Variants in MCF2L observed in about 807,000 individuals in gnomAD.
MCF2L encodes the protein MCF.2 cell line derived transforming sequence like.
In MCF2L, 97 loss-of-function variants were observed where a neutral mutation model predicts 153.4. That is an observed-to-expected ratio of 0.63 (90% CI 0.54 to 0.75). MCF2L has a LOEUF of 0.75. MCF2L is among the 30% of genes least tolerant of loss of function. The probability of loss-of-function intolerance (pLI) is 0.00; values close to 1 mark genes in which losing one functional copy is unlikely to be tolerated. For synonymous variants in MCF2L, 659 were observed against 632.2 expected, an observed-to-expected ratio of 1.04 and a Z score of -0.64; for missense variants, 1,347 against 1,495.2, an observed-to-expected ratio of 0.90 and a Z score of 1.64.
rs1165438732 is a variant in MCF2L at position 112,951,772 on chromosome 13, C to T, written c.169+49401C>T. Reference sequence around the variant, plus strand: ...TCATTGTCAGTATGCTGGCTGCAGTCGTGTGCTGTAGTTTGGCAGGATGCT... The same window carrying T: ...TCATTGTCAGTATGCTGGCTGCAGTTGTGTGCTGTAGTTTGGCAGGATGCT... On this transcript the variant is annotated intron_variant, in intron 2 of 29. Transcript: ENST00000375608. This position sits in a 1 kb window ranked among gnomAD's most constrained non-coding sequence, Gnocchi z 4.8. Among the ~76,000 whole-genome samples, 1 of 152,098 alleles carries T rather than the reference C, an allele frequency of 6.6e-6. No individual in the cohort carries two copies. Among genetic ancestry groups the T allele is most frequent in the Non-Finnish European group, 1.5e-5 (1 of 68,012 alleles).
At chr13:112,979,542 G>T in intron 1 of MCF2L, 7 of 1,520,908 alleles carry the variant, frequency 4.6e-6, no homozygotes, top group Non-Finnish European at 6.1e-6. Flanking sequence ...GCACCCGCCC[G>T]GCTTTTAGCT....
chr13:112,949,227 A>G (rs570809574), intron 2 of MCF2L, among the ~76,000 whole-genome samples: 11 of 152,378 alleles, frequency 7.2e-5, no homozygotes, highest in Middle Eastern at 3.4e-3. Flanking sequence ...ATAGCCCTAT[A>G]GCTATTAAAT....
rs897015896 is a variant in MCF2L, at chr13:112,951,773, G to A, written c.169+49402G>A. On this transcript the variant is annotated intron_variant, in intron 2 of 29. Coordinates refer to the MCF2L transcript ENST00000375608. The surrounding 1 kb of genome is among the most constrained non-coding windows in gnomAD (Gnocchi z 4.8). ...CATTGTCAGTATGCTGGCTGCAGTC[G>A]TGTGCTGTAGTTTGGCAGGATGCTA... Among the ~76,000 whole-genome samples, 1 of 152,178 alleles carries A rather than the reference G, an allele frequency of 6.6e-6. No homozygotes were observed. Among genetic ancestry groups the A allele is most frequent in the Admixed American group, 6.5e-5 (1 of 15,280 alleles).
rs9783548 is a variant in MCF2L at position 113,095,259 on chromosome 13, C to T, written c.3075+624C>T. ...TTCTGTGCTGTGCGTGGTCCATGCC[C>T]CAAGGCTGGAGGTGCAAAGGGGACA... is the stretch of plus-strand genomic sequence containing the variant. On this transcript the variant is annotated intron_variant, in intron 27 of 29. Coordinates refer to ENST00000535094, the MANE Select transcript of MCF2L (RefSeq NM_001112732.3). The T allele has an allele frequency of 4.5e-4, 531 of 1,192,492 alleles. 3 individuals are homozygous for T. In the African/African-American group the frequency reaches 8.1e-3, roughly 18 times the overall value. 73.9% of individuals were successfully genotyped at this position (1,192,492 alleles called of 1,614,324 possible).
At chr13:113,025,835 GT>G (rs1212762074) in intron 3 of MCF2L, among the ~76,000 whole-genome samples, 13 of 149,394 alleles carry the variant, frequency 8.7e-5, no homozygotes, top group South Asian at 2.1e-4. Flanking sequence ...CAGAGTCTCT[GT>G]GAGGTTTCAT....
rs759949237 is a variant in MCF2L at position 113,074,524 on chromosome 13, C to A, written c.1077C>A (p.His359Gln). Residue 359 changes from histidine to glutamine, a missense_variant, in exon 10 of 30, where the codon CAC becomes CAA. Around this residue, in one of 3 missense-constraint regions of MCF2L, gnomAD observed 820 missense variants for 921.2 expected, o/e 0.89. Coordinates refer to ENST00000535094, the MANE Select transcript of MCF2L (RefSeq NM_001112732.3). This position sits in a 1 kb window ranked among gnomAD's most constrained non-coding sequence, Gnocchi z 4.2. ...DIGNSLAHVEHLLRDLASFEE... is the reference protein window; with the variant it reads ...DIGNSLAHVEQLLRDLASFEE... ...GCAACAGCCTGGCGCATGTGGAGCA[C>A]CTGCTGAGGGACCTGGCCAGCTTCG... 9.9e-6 allele frequency: 16 copies of A among 1,613,970 alleles called. No individual in the cohort carries two copies. Among genetic ancestry groups the A allele is most frequent in the Non-Finnish European group, 1.4e-5 (16 of 1,180,028 alleles).
At chr13:112,964,750 A>G (rs116717985), upstream of MCF2L, 1,157 of 152,366 alleles carry the variant, frequency 7.6e-3, 15 homozygotes, top group African/African-American at 0.027. Flanking sequence ...AAAAACGTTT[A>G]AGTGAAAAAT....
intron 1 of MCF2L, among the ~76,000 whole-genome samples, chr13:113,007,762 C>G (rs181862135): frequency 2.6e-5 from 4 of 152,116 alleles, no homozygotes; most frequent in Non-Finnish European, 5.9e-5. Context: ...GGCTCTGTGT[C>G]GTAAGGATCA....
chr13:112,981,762 G>T (rs2082436490), intron 1 of MCF2L, among the ~76,000 whole-genome samples: 1 of 152,220 alleles, frequency 6.6e-6, no homozygotes, highest in Non-Finnish European at 1.5e-5. Context: ...GCGGCTCAGA[G>T]CCCAGTGCCC....
intron 2 of MCF2L, among the ~76,000 whole-genome samples, chr13:112,905,443 T>C (rs867538108): frequency 4.6e-5 from 7 of 152,152 alleles, no homozygotes; most frequent in African/African-American, 7.2e-5. Context: ...GGGTTACAGA[T>C]TGGGAACGGC....
At position 112,960,735 on chromosome 13, in the gene MCF2L, C is replaced by T. The variant is rs1383252091; in HGVS notation, c.170-54028C>T. Among the ~76,000 whole-genome samples the T allele has an allele frequency of 2.6e-5, 4 of 152,190 alleles. No individual in the cohort carries two copies. The highest frequency in any genetic ancestry group is 5.9e-5 in the Non-Finnish European group (4 of 68,034). On this transcript the variant is annotated intron_variant, in intron 2 of 29. Transcript: ENST00000375608. This position sits in a 1 kb window ranked among gnomAD's most constrained non-coding sequence, Gnocchi z 4.2. ...GAGGCTCCAGGAAGAATCCTTTCCT[C>T]GCCCTGTCCAGCCCCAGGTGCTGCC... is the stretch of plus-strand genomic sequence containing the variant.
At chr13:113,096,208 G>A (rs937750874) in intron 27 of MCF2L, 163 bp from the exon 28 acceptor site, 2 of 627,632 alleles carry the variant, frequency 3.2e-6, no homozygotes, top group Admixed American at 5.7e-5. Flanking sequence ...CATGCCCTGC[G>A]GCGTAGCCTC....
At chr13:112,994,616 G>A (rs551218906) in intron 1 of MCF2L, among the ~76,000 whole-genome samples, 10 of 152,376 alleles carry the variant, frequency 6.6e-5, no homozygotes, top group South Asian at 6.2e-4. Flanking sequence ...AGCTGGGCGC[G>A]GTGACCAATG....
At chr13:112,928,470 C>T (rs2081430173) in intron 2 of MCF2L, among the ~76,000 whole-genome samples, 1 of 152,164 alleles carries the variant, frequency 6.6e-6, no homozygotes, top group Non-Finnish European at 1.5e-5. Flanking sequence ...TCTGTCTAGC[C>T]ATGCCAGCCG....
intron 3 of MCF2L, among the ~76,000 whole-genome samples, chr13:113,032,764 C>T (rs1384591094): frequency 5.3e-5 from 8 of 152,272 alleles, no homozygotes; most frequent in Middle Eastern, 3.4e-3. Flanking sequence ...GAAATGGAGT[C>T]TCACCATGTT....
At chr13:113,010,989 C>T (rs911764272) in intron 1 of MCF2L, among the ~76,000 whole-genome samples, 5 of 152,208 alleles carry the variant, frequency 3.3e-5, no homozygotes, top group Non-Finnish European at 7.3e-5. Flanking sequence ...TTTAAAGAAA[C>T]TATGATCATA....
intron 5 of MCF2L, 38 bp downstream of exon 5, chr13:113,060,750 G>A (rs375281500): frequency 3.3e-5 from 53 of 1,606,590 alleles, no homozygotes; most frequent in Middle Eastern, 1.6e-4. Flanking sequence ...GTAGCAGAAC[G>A]GAACTCATTG....
At chr13:112,964,728 G>C (rs1450283337), upstream of MCF2L, 2 of 152,224 alleles carry the variant, frequency 1.3e-5, no homozygotes, top group African/African-American at 4.8e-5. Context: ...ATGTAGAGTA[G>C]CAGCATCATG....
chr13:113,021,014 T>C (rs1594696138), intron 2 of MCF2L, among the ~76,000 whole-genome samples: 1 of 102,082 alleles, frequency 9.8e-6, no homozygotes, highest in Admixed American at 9.2e-5. Context: ...TGTGTATCTG[T>C]ATGGTAGCTG....
Sources: allele counts gnomAD v4.1 joint callset (sites outside exome capture counted in the v4.1 genomes callset), GRCh38; gene constraint gnomAD v4.1.1; regional missense constraint gnomAD v4.1.1; non-coding constraint Gnocchi (gnomAD v3.1); transcripts MANE v1.5; gene names NCBI Gene and HGNC (gene_info 2026-07-23, HGNC 2026-07-21).